INPP5B: variants seen among roughly 807,000 people sequenced by gnomAD.
INPP5B encodes type II inositol 1,4,5-trisphosphate 5-phosphatase.
Under a neutral mutation model 118.5 loss-of-function variants are expected in INPP5B, and 90 were observed. The observed-to-expected ratio is 0.76, with a 90% CI of 0.64 to 0.90. INPP5B has a LOEUF of 0.90. INPP5B is among the 40% of genes least tolerant of loss of function. The pLI is 0.00. For missense variants in INPP5B, 984 were observed against 1,125.6 expected (o/e 0.87, Z 1.80); for synonymous variants, 385 against 418.9 (o/e 0.92, Z 0.99).
chr1:37,942,624 G>T (rs922981203), intron 5 of INPP5B, among the ~76,000 whole-genome samples: 1 of 150,520 alleles, frequency 6.6e-6, no homozygotes, highest in Non-Finnish European at 1.5e-5. Flanking sequence ...TAAGAAAAAG[G>T]CAAGCCAGGT....
In INPP5B at chr1:37,891,574, A is replaced by C. The variant is rs2148523336; in HGVS notation, c.533-120T>G. On this transcript the variant is annotated intron_variant, in intron 7 of 23. Transcript: ENST00000373024. ...TGGATCACCTGAGGTCGGGAGTTCG[A>C]GACCAGCCTGACCAACATGGAGAAA... The C allele has an allele frequency of 4.7e-6, 3 of 639,236 alleles. No individual in the cohort carries two copies. In the East Asian group the frequency reaches 8.5e-5, roughly 18 times the overall value. The allele number at this position is 639,236 out of a possible 1,614,324, so 39.6% of individuals were successfully genotyped here. A position where few individuals can be genotyped will look rare whatever the true frequency, so the allele number is the denominator to read the frequency against.
At chr1:37,901,623 G>A (rs548367306) in intron 7 of INPP5B, among the ~76,000 whole-genome samples, 2 of 152,182 alleles carry the variant, frequency 1.3e-5, no homozygotes, top group South Asian at 2.1e-4. Context: ...TTCTCACAGG[G>A]GGTCTCTCAG....
intron 6 of INPP5B, among the ~76,000 whole-genome samples, chr1:37,935,974 G>A (rs1645672713): frequency 6.6e-6 from 1 of 152,108 alleles, no homozygotes; most frequent in Non-Finnish European, 1.5e-5. Flanking sequence ...GCTGAGGCAG[G>A]AGAATGGCAT....
intron 9 of INPP5B, among the ~76,000 whole-genome samples, chr1:37,888,589 C>T (rs905352349): frequency 1.3e-5 from 2 of 152,158 alleles, no homozygotes; most frequent in Non-Finnish European, 2.9e-5. Context: ...TTCCCACTTC[C>T]TTTAAACAGC....
intron 7 of INPP5B, among the ~76,000 whole-genome samples, chr1:37,921,140 C>T (rs1196850733): frequency 5.9e-5 from 9 of 152,080 alleles, no homozygotes; most frequent in Non-Finnish European, 1.3e-4. Context: ...AATAGAGATC[C>T]TCTTATGGAA....
In INPP5B at chr1:37,946,257, C is replaced by G. The variant is rs375649873; in HGVS notation, c.52G>C (p.Val18Leu). Reference sequence around the variant, plus strand: ...AGTTAGCACAGGAAGGATATGATGACGCAGTATTCCCCCTCAGCCAGCGTC... The same window carrying G: ...AGTTAGCACAGGAAGGATATGATGAGGCAGTATTCCCCCTCAGCCAGCGTC... ...QETLAEGEYC[V>L]IAVQGVLCEG... Residue 18 changes from valine to leucine, a missense_variant, in exon 2 of 24, where the codon GTC (valine) becomes CTC (leucine). This residue lies in a region of INPP5B where 350 missense variants were observed against 334.6 expected (regional missense o/e 1.05). Coordinates refer to ENST00000373024, the MANE Select transcript of INPP5B (RefSeq NM_005540.3). 1.9e-6 allele frequency: 3 copies of G among 1,610,502 alleles called. No homozygotes were observed. Among genetic ancestry groups the G allele is most frequent in the Non-Finnish European group, 2.5e-6 (3 of 1,178,450 alleles).
At chr1:37,896,022 A>G (rs927238005) in intron 7 of INPP5B, among the ~76,000 whole-genome samples, 5 of 148,156 alleles carry the variant, frequency 3.4e-5, no homozygotes, top group Admixed American at 3.4e-4. Flanking sequence ...CAGTCTGGAA[A>G]GTGAGGAGCG....
chr1:37,941,421 G>A (rs1257787156), intron 5 of INPP5B, among the ~76,000 whole-genome samples: 2 of 152,004 alleles, frequency 1.3e-5, no homozygotes, highest in African/African-American at 4.8e-5. Flanking sequence ...GCCAGGGCAG[G>A]AGGATTACTT....
At chr1:37,897,073 C>T (rs1249316083) in intron 7 of INPP5B, among the ~76,000 whole-genome samples, 3 of 150,056 alleles carry the variant, frequency 2.0e-5, no homozygotes, top group African/African-American at 4.9e-5. Context: ...TGAGGAGCCC[C>T]TCTGCCCGGC....
rs552206072 is a variant in INPP5B at position 37,922,620 on chromosome 1, C to CA, written c.532+9292dup. Among the ~76,000 whole-genome samples, 95 of 152,206 alleles carry CA rather than the reference C, an allele frequency of 6.2e-4. No individual in the cohort carries two copies. The East Asian group carries it at 0.017, about 27-fold the overall frequency. ...CTGAGGCAGAAGAATGGCATGAACC[C>CA]AGGAGGCGGAGCTTGCAGTGAGCCA... On this transcript the variant is annotated intron_variant, in intron 7 of 23. Transcript: ENST00000373024.
intron 21 of INPP5B, 91 bp from the exon 22 acceptor site, chr1:37,865,979 C>T (rs1237937802): frequency 3.8e-6 from 6 of 1,559,470 alleles, no homozygotes; most frequent in Admixed American, 1.8e-5. Context: ...GTGCTGCCTG[C>T]CCTGTCAGGC....
At chr1:37,885,467 A>C (rs1643474178) in intron 13 of INPP5B, 171 bp downstream of exon 13, 3 of 549,002 alleles carry the variant, frequency 5.5e-6, no homozygotes, top group Non-Finnish European at 9.6e-6. Flanking sequence ...CCAGATAGCA[A>C]GTTAGGAAAC....
chr1:37,930,067 T>G (rs1557712922), intron 7 of INPP5B: 1 of 152,136 alleles, frequency 6.6e-6, no homozygotes. Flanking sequence ...TTTATTTATT[T>G]TAGAGACAGT....
At chr1:37,922,601 C>T (rs1645095956) in intron 7 of INPP5B, among the ~76,000 whole-genome samples, 1 of 152,040 alleles carries the variant, frequency 6.6e-6, no homozygotes, top group Non-Finnish European at 1.5e-5. Context: ...GAGGCTGAGG[C>T]AGAAGAATGG....
At chr1:37,882,428 C>T (rs1216230247) in intron 14 of INPP5B, among the ~76,000 whole-genome samples, 4 of 152,094 alleles carry the variant, frequency 2.6e-5, no homozygotes, top group Admixed American at 1.3e-4. Context: ...AGTGTGGTGA[C>T]GAGAAGCACA....
chr1:37,923,421 C>G (rs112295195), intron 7 of INPP5B, among the ~76,000 whole-genome samples: 2 of 152,128 alleles, frequency 1.3e-5, no homozygotes, highest in African/African-American at 2.4e-5. Flanking sequence ...GACCACTATA[C>G]TAAGGAATTT....
intron 6 of INPP5B, among the ~76,000 whole-genome samples, chr1:37,938,407 T>C (rs1645787413): frequency 6.6e-6 from 1 of 152,182 alleles, no homozygotes; most frequent in Non-Finnish European, 1.5e-5. Flanking sequence ...CAACAATGAA[T>C]GTGAGCTACG....
chr1:37,881,306 C>T (rs180856874), intron 14 of INPP5B, among the ~76,000 whole-genome samples: 7 of 152,198 alleles, frequency 4.6e-5, no homozygotes. Context: ...GAAAGATTCA[C>T]TGTCAACTTA....
chr1:37,862,345 A>G lies in INPP5B; in HGVS notation c.2712T>C (p.Phe904=). 6.2e-7 allele frequency: 1 copy of G among 1,613,978 alleles called. No individual in the cohort carries two copies. Among genetic ancestry groups the G allele is most frequent in the Non-Finnish European group, 8.5e-7 (1 of 1,179,834 alleles). ...GTGGGTTGCAGAGGAACTGGTGAAT[A>G]AATTCTTGAGCCTTCTTCTTCTCTG... ...DMTEKKKAQE[F]IHQFLCNPL The change falls in exon 24 of 24, where the codon TTT becomes TTC. Residue 904 remains phenylalanine (F), a synonymous_variant. Coordinates refer to ENST00000373024, the MANE Select transcript of INPP5B (RefSeq NM_005540.3).
Sources: allele counts gnomAD v4.1 joint callset (sites outside exome capture counted in the v4.1 genomes callset), GRCh38; gene constraint gnomAD v4.1.1; regional missense constraint gnomAD v4.1.1; transcripts MANE v1.5; gene names NCBI Gene and HGNC (gene_info 2026-07-23, HGNC 2026-07-21).